The following DMXL1 variants were observed in gnomAD, a reference collection of about 807,000 sequenced individuals.
The protein encoded by DMXL1 is Dmx like 1.
A neutral mutation model predicts 319.2 loss-of-function variants in DMXL1; 99 were observed. The observed-to-expected ratio is 0.31, with a 90% CI of 0.26 to 0.37. DMXL1 has a LOEUF of 0.37. DMXL1 is among the 10% of genes least tolerant of loss of function. The pLI is 1.00. For synonymous variants in DMXL1, 1,385 were observed against 1,235.2 expected, an observed-to-expected ratio of 1.12 and a Z score of -2.54; for missense variants, 3,745 against 3,595.6, an observed-to-expected ratio of 1.04 and a Z score of -1.06.
chr5:119,219,564 A>T (rs56375918), intron 35 of DMXL1, among the ~76,000 whole-genome samples: 7,386 of 146,244 alleles, frequency 0.051, 486 homozygotes, highest in African/African-American at 0.16. Flanking sequence ...TTAATTAATT[A>T]ATTAATTTAT....
At position 119,072,040 on chromosome 5, in the gene DMXL1, G is replaced by C. The variant is rs557071464; in HGVS notation, c.87+384G>C. Among the ~76,000 whole-genome samples the C allele has an allele frequency of 2.0e-5, 3 of 152,170 alleles. No individual in the cohort carries two copies. The East Asian group carries it at 5.8e-4, about 29-fold the overall frequency. ...GAATAGTGGAGATTGGTTTCATTTT[G>C]TATTCTAAGTTAAGGTCAAGTATCT... On this transcript the variant is annotated intron_variant, in intron 1 of 43. Coordinates refer to ENST00000539542, the MANE Select transcript of DMXL1 (RefSeq NM_001290321.3).
chr5:119,093,159 T>C lies in DMXL1; in HGVS notation c.88-4820T>C, dbSNP rs74910144. Among the ~76,000 whole-genome samples the C allele has an allele frequency of 4.9e-4, 75 of 152,336 alleles. No individual in the cohort carries two copies. The East Asian group carries it at 0.014, about 28-fold the overall frequency. On this transcript the variant is annotated intron_variant, in intron 1 of 43. Transcript: ENST00000539542. ...CACTTTGTGTCTCTGTGTCGCATTT[T>C]GGTAATTCTCAAAATATTTCAAACT...
chr5:119,128,015 GT>G, intron 9 of DMXL1: 2 of 411,948 alleles, frequency 4.9e-6, no homozygotes, highest in Non-Finnish European at 4.9e-6. Flanking sequence ...TCTGACATCT[GT>G]TTTATCATGA....
rs1749511098 is a variant in DMXL1 at position 119,071,395 on chromosome 5, G to A, written c.-175G>A. 1.6e-6 allele frequency: 1 copy of A among 612,286 alleles called. No homozygotes were observed. The highest frequency in any genetic ancestry group is 3.2e-5 in the Admixed American group (1 of 31,082). The allele number at this position is 612,286 out of a possible 1,614,324, so 37.9% of individuals were successfully genotyped here. A position where few individuals can be genotyped will look rare whatever the true frequency, so the allele number is the denominator to read the frequency against. ...CCCCCTCCGGGCCTCGCCCTCCGGG[G>A]CTCGGGATGAGTCGCGGGCCCCAGC... is the stretch of plus-strand genomic sequence containing the variant. On this transcript the variant is annotated 5_prime_UTR_variant, in exon 1 of 44. Transcript: ENST00000539542.
chr5:119,164,300 G>T (rs1390425888), intron 19 of DMXL1, among the ~76,000 whole-genome samples: 1 of 152,006 alleles, frequency 6.6e-6, no homozygotes, highest in East Asian at 1.9e-4. Flanking sequence ...TCAAAAAAAT[G>T]CTATTTTTGC....
chr5:119,230,056 G>T (rs1016124137), intron 38 of DMXL1, among the ~76,000 whole-genome samples: 1 of 152,060 alleles, frequency 6.6e-6, no homozygotes, highest in Non-Finnish European at 1.5e-5. Flanking sequence ...AAATACTAAG[G>T]GTATAAGTTG....
chr5:119,240,240 T>G (rs1056655488), intron 41 of DMXL1, among the ~76,000 whole-genome samples, 179 bp from the exon 42 acceptor site: 2 of 152,182 alleles, frequency 1.3e-5, no homozygotes, highest in African/African-American at 4.8e-5. Context: ...ACCACTGCAT[T>G]CTTTTTTTTA....
Position 119,147,348 on chromosome 5 carries a change from A to G in DMXL1, c.2789A>G (p.Tyr930Cys), listed in dbSNP as rs1420910791. The G allele has an allele frequency of 6.2e-7, 1 of 1,613,540 alleles. No homozygotes were observed. The highest frequency in any genetic ancestry group is 8.5e-7 in the Non-Finnish European group (1 of 1,179,694). ...EKILSPFSQK[Y>C]QACRANLQST... is the part of the protein sequence containing the mutation. The stretch of plus-strand genomic sequence containing the variant: ...ATCCTATCTCCTTTTTCACAAAAGT[A>G]TCAGGCTTGCAGAGCAAATCTCCAG... Residue 930 changes from tyrosine (Y) to cysteine (C), a missense_variant, in exon 17 of 44, where the codon TAT (tyrosine) becomes TGT (cysteine). By Grantham distance (194) the Tyr-to-Cys change is radical (BLOSUM62 -2). Around this residue, in one of 4 missense-constraint regions of DMXL1, gnomAD observed 2,096 missense variants for 1,985.4 expected, o/e 1.06. Coordinates refer to ENST00000539542, the MANE Select transcript of DMXL1 (RefSeq NM_001290321.3).
intron 33 of DMXL1, 30 bp from the exon 34 acceptor site, chr5:119,206,802 CTT>C: frequency 7.2e-7 from 1 of 1,389,950 alleles, no homozygotes; most frequent in Non-Finnish European, 9.7e-7. Flanking sequence ...CATCTTTACT[CTT>C]TGTCATGTGG....
rs1217544526 is a variant in DMXL1, at chr5:119,106,034, A to G, written c.364+776A>G. 2.0e-5 allele frequency among the ~76,000 whole-genome samples: 3 copies of G among 152,308 alleles called. No homozygotes were observed. The East Asian group carries it at 5.8e-4, about 29-fold the overall frequency. On this transcript the variant is annotated intron_variant, in intron 4 of 43. Transcript: ENST00000539542. The stretch of plus-strand genomic sequence containing the variant: ...TTGCTTATGATTCTTTTGGTCAGGA[A>G]GACTCTGTGGGAATGGCTTGTCTAT...
rs770693974 is a variant in DMXL1 at position 119,148,931 on chromosome 5, A to C, written c.3104A>C (p.Gln1035Pro). 6.2e-7 allele frequency: 1 copy of C among 1,613,828 alleles called. No homozygotes were observed. Among genetic ancestry groups the C allele is most frequent in the Non-Finnish European group, 8.5e-7 (1 of 1,179,842 alleles). ...CCATTACTTATTGAAGATGGACTTCAGAGCAATAGTAGTATAACTGTACCT... is the reference window on the plus strand; with the variant it reads ...CCATTACTTATTGAAGATGGACTTCCGAGCAATAGTAGTATAACTGTACCT... ...EWPLLIEDGL[Q>P]SNSSITVPGR... The change falls in exon 18 of 44, where the codon CAG (glutamine) becomes CCG (proline). Residue 1035 changes from glutamine (Q) to proline (P), a missense_variant. By Grantham distance (76) the Gln-to-Pro change is moderately conservative (BLOSUM62 -1). Around this residue, in one of 4 missense-constraint regions of DMXL1, gnomAD observed 2,096 missense variants for 1,985.4 expected, o/e 1.06. Transcript: ENST00000539542.
At chr5:119,132,597 G>A (rs939010703) in intron 10 of DMXL1, 7 of 295,550 alleles carry the variant, frequency 2.4e-5, no homozygotes, top group Non-Finnish European at 4.7e-5. Flanking sequence ...GAATTGCTTG[G>A]ACCCGGGCAG....
intron 19 of DMXL1, among the ~76,000 whole-genome samples, chr5:119,163,716 G>A (rs1394782467): frequency 6.6e-6 from 1 of 152,222 alleles, no homozygotes; most frequent in Non-Finnish European, 1.5e-5. Flanking sequence ...AGCCTATCGA[G>A]TAGCTGGGAC....
At chr5:119,224,580 T>C (rs1292777111) in intron 37 of DMXL1, 129 bp from the exon 38 acceptor site, 2 of 374,296 alleles carry the variant, frequency 5.3e-6, no homozygotes, top group Non-Finnish European at 1.0e-5. Flanking sequence ...TTAGTATTTT[T>C]AGCACCCATA....
chr5:119,137,681 A>C (rs1042129924), intron 13 of DMXL1, among the ~76,000 whole-genome samples: 7 of 152,170 alleles, frequency 4.6e-5, no homozygotes, highest in African/African-American at 1.7e-4. Flanking sequence ...TTTCCCCTGC[A>C]TGCTTTCTTT....
intron 37 of DMXL1, 112 bp from the exon 38 acceptor site, chr5:119,224,597 G>A: frequency 4.8e-6 from 2 of 413,536 alleles, no homozygotes; most frequent in East Asian, 7.5e-5. Context: ...CATAATGATA[G>A]TTATGAACTC....
chr5:119,118,363 A>G (rs1321875824), intron 7 of DMXL1, among the ~76,000 whole-genome samples: 1 of 152,202 alleles, frequency 6.6e-6, no homozygotes, highest in Non-Finnish European at 1.5e-5. Context: ...ATAAATCAGA[A>G]AATCTTATTA....
chr5:119,077,550 C>T (rs1217052217), intron 1 of DMXL1, among the ~76,000 whole-genome samples: 3 of 116,374 alleles, frequency 2.6e-5, no homozygotes, highest in African/African-American at 9.9e-5. Flanking sequence ...TACAGTGGAT[C>T]TCAGCTCACT....
chr5:119,110,389 A>AC, intron 5 of DMXL1, 106 bp downstream of exon 5: 2 of 1,040,776 alleles, frequency 1.9e-6, no homozygotes, highest in Non-Finnish European at 1.3e-6. Context: ...AAAAGTATTG[A>AC]TTTTTAGTCT....
Sources: allele counts gnomAD v4.1 joint callset (sites outside exome capture counted in the v4.1 genomes callset), GRCh38; gene constraint gnomAD v4.1.1; regional missense constraint gnomAD v4.1.1; transcripts MANE v1.5; gene names NCBI Gene and HGNC (gene_info 2026-07-23, HGNC 2026-07-21).